MCF2: variants seen among roughly 807,000 people sequenced by gnomAD.
MCF2 encodes the protein proto-oncogene DBL.
Under a neutral mutation model 82.5 loss-of-function variants are expected in MCF2, and 44 were observed. That is an observed-to-expected ratio of 0.53 (90% CI 0.42 to 0.69). MCF2 has a LOEUF of 0.69. Ranked by LOEUF, MCF2 falls within the 30% of genes least tolerant of loss-of-function variation. The pLI, the probability that MCF2 is intolerant of heterozygous loss-of-function variation, is 0.00. For synonymous variants in MCF2, 217 were observed against 224.9 expected (o/e 0.96, Z 0.32); for missense variants, 623 against 663.1 (o/e 0.94, Z 0.66).
chrX:139,671,823 T>C (rs1234043415), intron 1 of MCF2, among the ~76,000 whole-genome samples: 1 of 112,086 alleles, frequency 8.9e-6, no homozygotes, highest in Non-Finnish European at 1.9e-5. Context: ...ATATGAACTT[T>C]AAAGTAGTTT....
At chrX:139,618,734 C>G (rs999994580) in intron 7 of MCF2, among the ~76,000 whole-genome samples, 2 of 111,182 alleles carry the variant, frequency 1.8e-5, no homozygotes, top group Non-Finnish European at 3.8e-5. Flanking sequence ...TCTTAAAAAG[C>G]GTGGCCTTGC....
chrX:139,589,365 T>C (rs1009071876), intron 20 of MCF2, among the ~76,000 whole-genome samples: 1 of 112,048 alleles, frequency 8.9e-6, no homozygotes, highest in East Asian at 2.8e-4. Flanking sequence ...TCTTGAAATG[T>C]TCTGATTCCT....
intron 1 of MCF2, among the ~76,000 whole-genome samples, chrX:139,668,586 G>A (rs756569700): frequency 9.0e-6 from 1 of 111,622 alleles, no homozygotes; most frequent in Admixed American, 9.5e-5. Context: ...TCCCGGCCAA[G>A]CAGGCTGCCT....
At chrX:139,669,696 T>G (rs1934625650) in intron 1 of MCF2, among the ~76,000 whole-genome samples, 1 of 111,560 alleles carries the variant, frequency 9.0e-6, no homozygotes, top group Admixed American at 9.5e-5. Flanking sequence ...ATCCATACAG[T>G]GGAAAATTAT....
At chrX:139,663,923 C>A (rs1303233369) in intron 1 of MCF2, among the ~76,000 whole-genome samples, 1 of 110,732 alleles carries the variant, frequency 9.0e-6, no homozygotes, top group Admixed American at 9.7e-5. Flanking sequence ...TAATGACCTC[C>A]TTTCTCTTTC....
At chrX:139,703,733 AAAAC>A (rs758121994) in intron 1 of MCF2, among the ~76,000 whole-genome samples, 10 of 111,715 alleles carry the variant, frequency 9.0e-5, no homozygotes, top group Non-Finnish European at 1.7e-4. Context: ...AGACTCTGTC[AAAAC>A]AAACAAACAA....
intron 1 of MCF2, among the ~76,000 whole-genome samples, chrX:139,704,380 T>C (rs1935554360): frequency 8.9e-6 from 1 of 112,560 alleles, no homozygotes; most frequent in Non-Finnish European, 1.9e-5. Flanking sequence ...AGAAATTGCC[T>C]TGTGAACTTG....
chrX:139,665,909 A>ATG (rs1569392562), intron 1 of MCF2, among the ~76,000 whole-genome samples: 7 of 79,513 alleles, frequency 8.8e-5, no homozygotes, highest in Admixed American at 1.4e-4. Context: ...ATATATATAT[A>ATG]TATATATATA....
rs779929315 is a variant in MCF2 at position 139,602,542 on chromosome X, A to G, written c.1744-44T>C. ...TCAAATGTATTACTAATTTGTGAAT[A>G]TGACTTTTGCCATCAAGAAAGGCTA... On this transcript the variant is annotated intron_variant, in intron 15 of 24. Coordinates refer to ENST00000370576, the Ensembl canonical transcript of MCF2. 168 of 920,239 alleles carry G rather than the reference A, an allele frequency of 1.8e-4. 1 individual carries two copies. In the South Asian group the frequency reaches 3.1e-3, roughly 17 times the overall value. 75.8% of individuals were successfully genotyped at this position (920,239 alleles called of 1,213,427 possible).
rs138848436 is a variant in MCF2 at position 139,604,877 on chromosome X, G to T, written c.1665C>A (p.Phe555Leu). The T allele has an allele frequency of 4.2e-5, 49 of 1,157,300 alleles. No individual in the cohort carries two copies. Among genetic ancestry groups the T allele is most frequent in the Admixed American group, 1.4e-4 (6 of 43,726 alleles). The change falls in exon 14 of 25, where the codon TTC becomes TTA. Residue 555 changes from phenylalanine (F) to leucine (L), a missense_variant. Physicochemically the swap from Phe to Leu is conservative, Grantham distance 22 (BLOSUM62 0). Transcript: ENST00000370576. ...ATTCAGCAATTACATACTCGTTATG[G>T]AATTCATATATTTCTGCCATGTTTC...
chrX:139,584,201 T>A (rs113704625), intron 24 of MCF2, among the ~76,000 whole-genome samples: 2,463 of 101,632 alleles, frequency 0.024, 41 homozygotes, highest in East Asian at 0.086. Context: ...AAGGGCACTA[T>A]CTCAGCTCAC....
intron 1 of MCF2, chrX:139,691,843 G>A: frequency 2.3e-6 from 2 of 881,538 alleles, no homozygotes; most frequent in Non-Finnish European, 3.2e-6. Context: ...GCCGGGCTGG[G>A]GAGGCAGCGG....
intron 1 of MCF2, among the ~76,000 whole-genome samples, chrX:139,698,402 C>T (rs752950154): frequency 2.7e-5 from 3 of 111,920 alleles, no homozygotes; most frequent in Non-Finnish European, 3.8e-5. Context: ...TAATTTTTAG[C>T]TAGAACTGCC....
At chrX:139,657,304 G>A (rs772544630) in intron 1 of MCF2, among the ~76,000 whole-genome samples, 18 of 112,129 alleles carry the variant, frequency 1.6e-4, no homozygotes, top group Non-Finnish European at 2.8e-4. Flanking sequence ...TGCCAATGAG[G>A]ATACAAACTT....
In MCF2 at chrX:139,628,115, C is replaced by T. The variant is rs772598859; in HGVS notation, c.439-1359G>A. On this transcript the variant is annotated intron_variant, in intron 4 of 24. Transcript: ENST00000370576. ...CAGAACACCATTCAACCCAGCATTG[C>T]CATTACTGGGTTTATACCCAAAGGA... Among the ~76,000 whole-genome samples, 4 of 111,890 alleles carry T rather than the reference C, an allele frequency of 3.6e-5. No homozygotes were observed. The South Asian group carries it at 1.5e-3, about 43-fold the overall frequency.
intron 1 of MCF2, chrX:139,691,890 G>C: frequency 8.8e-7 from 1 of 1,140,785 alleles, no homozygotes; most frequent in Non-Finnish European, 1.2e-6. Flanking sequence ...GGCCGCCGGG[G>C]AGGAGATGAG....
intron 12 of MCF2, chrX:139,607,104 G>A (rs1486115031): frequency 9.1e-6 from 1 of 110,168 alleles, no homozygotes; most frequent in Non-Finnish European, 1.9e-5. Context: ...TATTCATTTC[G>A]TATATCGAAA....
chrX:139,621,758 C>T lies in MCF2; in HGVS notation c.688-2052G>A, dbSNP rs1311951012. Among the ~76,000 whole-genome samples, 32 of 111,587 alleles carry T rather than the reference C, an allele frequency of 2.9e-4. No individual in the cohort carries two copies. The East Asian group carries it at 5.9e-3, about 21-fold the overall frequency. The stretch of plus-strand genomic sequence containing the variant: ...ATGGATTAAAGACTTACATGTTAGA[C>T]CTAAAACCATAAAAACCCTAGAAGA... On this transcript the variant is annotated intron_variant, in intron 6 of 24. Transcript: ENST00000370576.
intron 1 of MCF2, among the ~76,000 whole-genome samples, chrX:139,672,684 A>G (rs757716088): frequency 1.8e-5 from 2 of 112,247 alleles, no homozygotes; most frequent in African/African-American, 3.2e-5. Context: ...CATGGTGGAC[A>G]AGCTTTTTGA....
Sources: gnomAD v4.1 joint callset for allele counts (sites outside exome capture counted in the v4.1 genomes callset) on GRCh38, gnomAD v4.1.1 for gene constraint, MANE v1.5 for transcripts, NCBI Gene and HGNC (gene_info 2026-07-23, HGNC 2026-07-21) for gene names.